GLIS3: variants seen among roughly 807,000 people sequenced by gnomAD.
The protein encoded by GLIS3 is zinc finger protein GLIS3.
GLIS3 carries 53 observed loss-of-function variants against 78.6 expected under a neutral mutation model. That is an observed-to-expected ratio of 0.67 (90% CI 0.54 to 0.85). GLIS3 has a LOEUF of 0.85. GLIS3 is among the 40% of genes least tolerant of loss of function. The pLI is 0.00. For missense variants in GLIS3, 1,703 were observed against 1,231.1 expected (o/e 1.38, Z -5.74); for synonymous variants, 684 against 509.9 (o/e 1.34, Z -4.60).
intron 2 of GLIS3, among the ~76,000 whole-genome samples, chr9:4,207,042 T>C (rs1191494919): frequency 6.6e-6 from 1 of 152,176 alleles, no homozygotes; most frequent in African/African-American, 2.4e-5. Flanking sequence ...CCTTTTAAAA[T>C]AACAGAATCC....
At chr9:4,063,004 T>C (rs778883373) in intron 4 of GLIS3, among the ~76,000 whole-genome samples, 1 of 152,036 alleles carries the variant, frequency 6.6e-6, no homozygotes, top group Non-Finnish European at 1.5e-5. Context: ...ATTGCTGTTA[T>C]ATGGACCAAA....
intron 2 of GLIS3, among the ~76,000 whole-genome samples, chr9:4,149,286 A>T (rs991568314): frequency 6.6e-6 from 1 of 152,188 alleles, no homozygotes; most frequent in Non-Finnish European, 1.5e-5. Flanking sequence ...GATTATTACC[A>T]TCCCATTTCA....
At chr9:4,012,795 A>G (rs1822136676) in intron 4 of GLIS3, among the ~76,000 whole-genome samples, 1 of 85,570 alleles carries the variant, frequency 1.2e-5, no homozygotes, top group African/African-American at 4.6e-5. Context: ...TTTTTGAGAC[A>G]GTGTTTTGCT....
At chr9:4,367,698 A>G in the GLIS3 span, among the ~76,000 whole-genome samples, 1 of 148,436 alleles carries the variant, frequency 6.7e-6, no homozygotes, top group Admixed American at 6.8e-5. Context: ...TCTGTCATTT[A>G]CCTCCTTATC....
chr9:4,352,579 G>T (rs1213047174), upstream of GLIS3, among the ~76,000 whole-genome samples: 1 of 152,210 alleles, frequency 6.6e-6, no homozygotes, highest in Admixed American at 6.5e-5. Flanking sequence ...ACTCTGTCTT[G>T]GGTTAGGCTA....
intron 2 of GLIS3, among the ~76,000 whole-genome samples, chr9:4,136,982 G>A (rs564608897): frequency 1.3e-5 from 2 of 152,270 alleles, no homozygotes; most frequent in East Asian, 3.9e-4. Flanking sequence ...TTGTGCTATA[G>A]GTAGTGGCGC....
the GLIS3 span, among the ~76,000 whole-genome samples, chr9:4,437,407 T>C: frequency 1.2e-5 from 1 of 81,666 alleles, no homozygotes; most frequent in Non-Finnish European, 3.1e-5. Context: ...TTTGACTGTA[T>C]GTATGTATGT....
chr9:4,362,264 CTTTT>C, the GLIS3 span, among the ~76,000 whole-genome samples: 67 of 152,272 alleles, frequency 4.4e-4, no homozygotes, highest in Middle Eastern at 3.4e-3. Flanking sequence ...TTCCTTCTTT[CTTTT>C]TACCTACTTT....
At chr9:4,467,616 A>G in the GLIS3 span, among the ~76,000 whole-genome samples, 3 of 152,212 alleles carry the variant, frequency 2.0e-5, no homozygotes, top group African/African-American at 7.2e-5. Flanking sequence ...CATCCACACC[A>G]AAACCCCATC....
chr9:4,060,386 CT>C (rs1206505458), intron 4 of GLIS3, among the ~76,000 whole-genome samples: 1 of 152,138 alleles, frequency 6.6e-6, no homozygotes, highest in African/African-American at 2.4e-5. Flanking sequence ...TCAACTGAAC[CT>C]AACTTTACTT....
intron 1 of GLIS3, among the ~76,000 whole-genome samples, chr9:4,295,799 T>C (rs1322524534): frequency 2.0e-5 from 3 of 152,240 alleles, no homozygotes; most frequent in Non-Finnish European, 4.4e-5. Flanking sequence ...GGCTTTTGTG[T>C]CAACTCTGCC....
chr9:4,472,711 CA>C, the GLIS3 span, among the ~76,000 whole-genome samples: 2 of 152,114 alleles, frequency 1.3e-5, no homozygotes, highest in Admixed American at 1.3e-4. Context: ...ACCTATGTAA[CA>C]AACCTGCACG....
chr9:4,290,043 A>G (rs1828318118), intron 1 of GLIS3, among the ~76,000 whole-genome samples: 1 of 152,182 alleles, frequency 6.6e-6, no homozygotes, highest in Admixed American at 6.5e-5. Context: ...AGATTAAACA[A>G]ACGAAAAGCA....
chr9:4,061,742 A>G (rs1451766202), intron 4 of GLIS3, among the ~76,000 whole-genome samples: 1 of 152,226 alleles, frequency 6.6e-6, no homozygotes, highest in Non-Finnish European at 1.5e-5. Context: ...ACGTCCTGAA[A>G]TGTTTCTAAA....
chr9:3,835,242 C>T (rs991278706), intron 9 of GLIS3, among the ~76,000 whole-genome samples: 1 of 152,178 alleles, frequency 6.6e-6, no homozygotes, highest in Non-Finnish European at 1.5e-5. Context: ...CACTCAGAAT[C>T]GAGACAGCCC....
In GLIS3 at chr9:4,118,041, C is replaced by G. The variant is rs148869715; in HGVS notation, c.1437G>C (p.Gln479His). The G allele has an allele frequency of 6.3e-7, 1 of 1,579,520 alleles. No homozygotes were observed. Among genetic ancestry groups the G allele is most frequent in the East Asian group, 2.3e-5 (1 of 44,292 alleles). ...HHPELGPHAQ[Q>H]LALPQATLDD... ...CCAGGGTGGCCTGGGGCAAGGCCAG[C>G]TGCTGGGCGTGGGGCCCGAGCTCCG... Residue 479 changes from glutamine (Q) to histidine (H), a missense_variant, in exon 4 of 11, where the codon CAG becomes CAC. Transcript: ENST00000381971. This position sits in a 1 kb window ranked among gnomAD's most constrained non-coding sequence, Gnocchi z 4.7.
chr9:3,946,603 T>A (rs1238133267), intron 4 of GLIS3, among the ~76,000 whole-genome samples: 2 of 152,188 alleles, frequency 1.3e-5, no homozygotes, highest in East Asian at 3.9e-4. Context: ...TAACAACATA[T>A]GGTTGTATTT....
At chr9:4,452,923 C>G in the GLIS3 span, among the ~76,000 whole-genome samples, 1 of 152,150 alleles carries the variant, frequency 6.6e-6, no homozygotes, top group East Asian at 1.9e-4. Context: ...TCCTACAAGG[C>G]TACAGTAACC....
At chr9:3,942,113 A>G (rs1021490430) in intron 4 of GLIS3, among the ~76,000 whole-genome samples, 5 of 152,340 alleles carry the variant, frequency 3.3e-5, no homozygotes, top group East Asian at 3.9e-4. Flanking sequence ...GCTGAGAAGC[A>G]TAAGTTCATA....
Sources: allele counts gnomAD v4.1 joint callset (sites outside exome capture counted in the v4.1 genomes callset), GRCh38; gene constraint gnomAD v4.1.1; non-coding constraint Gnocchi (gnomAD v3.1); transcripts MANE v1.5; gene names NCBI Gene and HGNC (gene_info 2026-07-23, HGNC 2026-07-21).